EPB41L4A: variants seen among roughly 807,000 people sequenced by gnomAD.
The protein encoded by EPB41L4A is erythrocyte membrane protein band 4.1 like 4A.
EPB41L4A carries 100 observed loss-of-function variants against 108.6 expected under a neutral mutation model. The ratio of observed to expected loss-of-function variants is 0.92; its 90% confidence interval spans 0.78 to 1.09. EPB41L4A has a LOEUF of 1.09. EPB41L4A is among the 50% of genes least tolerant of loss of function. The pLI is 0.00. For missense variants in EPB41L4A, 1,030 were observed against 842.7 expected (o/e 1.22, Z -2.75); for synonymous variants, 319 against 289.0 (o/e 1.10, Z -1.05).
chr5:112,321,127 A>G (rs916555939), intron 1 of EPB41L4A, among the ~76,000 whole-genome samples: 3 of 152,170 alleles, frequency 2.0e-5, no homozygotes, highest in African/African-American at 7.2e-5. Flanking sequence ...TGCTAGATGG[A>G]GAGGCAATTC....
chr5:112,147,531 T>C (rs1448868230), intron 12 of EPB41L4A, among the ~76,000 whole-genome samples: 1 of 151,530 alleles, frequency 6.6e-6, no homozygotes, highest in Non-Finnish European at 1.5e-5. Context: ...TCTCAGCTAC[T>C]TGGGAGGCTG....
intron 1 of EPB41L4A, among the ~76,000 whole-genome samples, chr5:112,339,371 TTTGGTAACCA>T (rs1325160624): frequency 1.3e-5 from 2 of 151,556 alleles, no homozygotes; most frequent in Non-Finnish European, 2.9e-5. Context: ...GAGTCAAAGT[TTTGGTAACCA>T]CAAATAACAC....
intron 1 of EPB41L4A, among the ~76,000 whole-genome samples, chr5:112,384,201 T>C (rs1714457793): frequency 6.6e-6 from 1 of 152,112 alleles, no homozygotes; most frequent in South Asian, 2.1e-4. Context: ...ACTCCATGAA[T>C]ATACCAAAAA....
chr5:112,419,615 T>G (rs1324385242), upstream of EPB41L4A: 1 of 455,250 alleles, frequency 2.2e-6, no homozygotes, highest in African/African-American at 2.0e-5. Context: ...GCTCGGCTTT[T>G]CTTTTGTGTG....
intron 9 of EPB41L4A, among the ~76,000 whole-genome samples, chr5:112,242,533 G>C (rs1580510637): frequency 6.6e-6 from 1 of 152,092 alleles, no homozygotes; most frequent in African/African-American, 2.4e-5. Context: ...GTCATCGTGG[G>C]GGTAGAAATC....
intron 1 of EPB41L4A, among the ~76,000 whole-genome samples, chr5:112,405,542 G>T (rs1762029097): frequency 6.6e-6 from 1 of 152,138 alleles, no homozygotes; most frequent in African/African-American, 2.4e-5. Flanking sequence ...TCCAATTTAT[G>T]TGCTTGTTTT....
rs748577753 is a variant in EPB41L4A, at chr5:112,324,259, T to G, written c.100-16769A>C. Among the ~76,000 whole-genome samples, 107 of 152,216 alleles carry G rather than the reference T, an allele frequency of 7.0e-4. 1 individual carries two copies. Among genetic ancestry groups the G allele is most frequent in the Non-Finnish European group, 1.3e-3 (90 of 68,044 alleles). ...AGTAAAACTAAGGGGGGATATTTAT[T>G]TTTAATTTTTGTAATCAATATAGAA... On this transcript the variant is annotated intron_variant, in intron 1 of 22. Transcript: ENST00000261486.
chr5:112,190,856 G>A (rs1422780356), intron 17 of EPB41L4A, among the ~76,000 whole-genome samples: 2 of 151,468 alleles, frequency 1.3e-5, no homozygotes, highest in Non-Finnish European at 2.9e-5. Context: ...TGGCTCCTAG[G>A]GAGAGAGGGA....
chr5:112,292,543 A>G (rs1010387439), intron 2 of EPB41L4A, among the ~76,000 whole-genome samples: 36 of 152,308 alleles, frequency 2.4e-4, no homozygotes, highest in Admixed American at 2.3e-3. Flanking sequence ...TAACAATTCC[A>G]AGAACATCTC....
chr5:112,301,316 T>G (rs1754344234), intron 2 of EPB41L4A, among the ~76,000 whole-genome samples: 1 of 152,204 alleles, frequency 6.6e-6, no homozygotes, highest in South Asian at 2.1e-4. Flanking sequence ...AGGCTGCTGT[T>G]CAGATTCTTT....
chr5:112,357,084 T>C (rs568173314), intron 1 of EPB41L4A, among the ~76,000 whole-genome samples: 1 of 152,254 alleles, frequency 6.6e-6, no homozygotes, highest in African/African-American at 2.4e-5. Context: ...CAGCACAAAC[T>C]ACTACCCCAC....
chr5:112,204,461 G>A lies in EPB41L4A; in HGVS notation c.1290C>T (p.Arg430=). The A allele has an allele frequency of 6.2e-7, 1 of 1,613,366 alleles. No individual in the cohort carries two copies. Among genetic ancestry groups the A allele is most frequent in the African/African-American group, 1.3e-5 (1 of 74,962 alleles). Reference sequence around the variant, plus strand: ...TGTAAGGGAACTTTGGCGACTTAGTGCGATCACTGGGAGAATTGTAGAGTC... The same window carrying A: ...TGTAAGGGAACTTTGGCGACTTAGTACGATCACTGGGAGAATTGTAGAGTC... ...QSGLYNSPSD[R]TKSPKFPYTR... Residue 430 remains arginine (R), a synonymous_variant, in exon 15 of 23, where the codon CGC becomes CGT. Transcript: ENST00000261486.
At chr5:112,339,512 A>ATATATATC (rs1757155906) in intron 1 of EPB41L4A, among the ~76,000 whole-genome samples, 1 of 45,998 alleles carries the variant, frequency 2.2e-5, no homozygotes, top group African/African-American at 9.6e-5. Context: ...ATATATATAG[A>ATATATATC]TATATAGATA....
chr5:112,375,333 A>T (rs797012581), intron 1 of EPB41L4A, among the ~76,000 whole-genome samples: 1 of 141,850 alleles, frequency 7.0e-6, no homozygotes. Context: ...GCACACACAC[A>T]CATACACACA....
intron 12 of EPB41L4A, among the ~76,000 whole-genome samples, chr5:112,213,676 G>A (rs562309372): frequency 6.6e-6 from 1 of 152,088 alleles, no homozygotes; most frequent in Admixed American, 6.5e-5. Flanking sequence ...CTTTTTATAT[G>A]AACTAAATAT....
intron 1 of EPB41L4A, among the ~76,000 whole-genome samples, chr5:112,412,202 C>T (rs192568203): frequency 3.3e-5 from 5 of 152,298 alleles, no homozygotes; most frequent in Admixed American, 6.5e-5. Context: ...TCTGTTTTCC[C>T]TGCCTGTCCC....
intron 12 of EPB41L4A, among the ~76,000 whole-genome samples, chr5:112,149,747 G>A (rs568469475): frequency 9.9e-5 from 15 of 152,230 alleles, no homozygotes; most frequent in African/African-American, 3.6e-4. Flanking sequence ...TTCTAAATGC[G>A]TGTCTGAGTT....
intron 18 of EPB41L4A, among the ~76,000 whole-genome samples, chr5:112,181,751 C>T (rs1580381247): frequency 6.6e-6 from 1 of 151,998 alleles, no homozygotes; most frequent in South Asian, 2.1e-4. Flanking sequence ...ATATGAAGTT[C>T]GACAAGAGAG....
At chr5:112,155,418 A>G (rs1175300843) in intron 12 of EPB41L4A, among the ~76,000 whole-genome samples, 2 of 152,138 alleles carry the variant, frequency 1.3e-5, no homozygotes, top group Non-Finnish European at 2.9e-5. Context: ...CACAAACACA[A>G]TTAGTAATAT....
Sources: allele counts gnomAD v4.1 joint callset (sites outside exome capture counted in the v4.1 genomes callset), GRCh38; gene constraint gnomAD v4.1.1; transcripts MANE v1.5; gene names NCBI Gene and HGNC (gene_info 2026-07-23, HGNC 2026-07-21).